CRYZ: variants seen among roughly 807,000 people sequenced by gnomAD.
CRYZ encodes the protein crystallin zeta, also known as zeta-crystallin.
Under a neutral mutation model 34.1 loss-of-function variants are expected in CRYZ, and 35 were observed. The observed-to-expected ratio is 1.03, with a 90% CI of 0.78 to 1.36. The LOEUF (loss-of-function observed/expected upper bound fraction) is 1.36. Ranked by LOEUF, CRYZ falls within the 40% of genes most tolerant of loss-of-function variation. The pLI is 0.00. For synonymous variants in CRYZ, 137 were observed against 136.5 expected, an observed-to-expected ratio of 1.00 and a Z score of -0.03; for missense variants, 403 against 391.8, an observed-to-expected ratio of 1.03 and a Z score of -0.24.
chr1:74,727,490 G>C (rs1283795570), intron 1 of CRYZ, among the ~76,000 whole-genome samples: 1 of 148,074 alleles, frequency 6.8e-6, no homozygotes, highest in Non-Finnish European at 1.5e-5. Flanking sequence ...AAATTAGCCG[G>C]GCATGGTGGC....
At chr1:74,715,612 T>C (rs999082161) in intron 4 of CRYZ, among the ~76,000 whole-genome samples, 3 of 152,186 alleles carry the variant, frequency 2.0e-5, no homozygotes, top group Non-Finnish European at 4.4e-5. Flanking sequence ...CTGAAGGGAC[T>C]GAGGACAATA....
At chr1:74,732,607 G>A (rs1365621781) in intron 1 of CRYZ, among the ~76,000 whole-genome samples, 6 of 75,648 alleles carry the variant, frequency 7.9e-5, no homozygotes, top group African/African-American at 3.3e-4. Flanking sequence ...CGGGGGGGGG[G>A]GGGGGGGGTG....
At chr1:74,729,508 G>A (rs892100212) in intron 1 of CRYZ, among the ~76,000 whole-genome samples, 1 of 150,888 alleles carries the variant, frequency 6.6e-6, no homozygotes, top group African/African-American at 2.4e-5. Flanking sequence ...ATCTAGGTGT[G>A]GTGGCAAGCA....
intron 4 of CRYZ, among the ~76,000 whole-genome samples, chr1:74,716,358 AC>A (rs1259860170): frequency 6.6e-6 from 1 of 151,978 alleles, no homozygotes. Context: ...TCTCTGGAGA[AC>A]CCTGACTAAT....
intron 1 of CRYZ, among the ~76,000 whole-genome samples, chr1:74,731,643 T>C (rs1441780421): frequency 6.6e-6 from 1 of 152,174 alleles, no homozygotes; most frequent in Non-Finnish European, 1.5e-5. Context: ...CATGATCGTA[T>C]GGAACAGGGC....
Position 74,723,418 on chromosome 1 carries a change from G to C in CRYZ, c.112-148C>G, listed in dbSNP as rs185229449. 7.3e-6 allele frequency: 5 copies of C among 685,198 alleles called. No homozygotes were observed. The East Asian group carries it at 1.3e-4, about 18-fold the overall frequency. 42.4% of individuals were successfully genotyped at this position (685,198 alleles called of 1,614,324 possible). A position where few individuals can be genotyped will look rare whatever the true frequency, so the allele number is the denominator to read the frequency against. ...TGCCTTCAACAAGCTCACATTCCAA[G>C]TTTTACAAGCTAACATAAATAAGTA... is the stretch of plus-strand genomic sequence containing the variant. On this transcript the variant is annotated intron_variant, in intron 2 of 8. Transcript: ENST00000340866.
chr1:74,715,480 C>CA (rs147887358), intron 4 of CRYZ, among the ~76,000 whole-genome samples: 2,767 of 152,284 alleles, frequency 0.018, 87 homozygotes, highest in African/African-American at 0.063. Context: ...CATTATAGAA[C>CA]ATTATGCTCC....
chr1:74,719,347 C>G lies in CRYZ; in HGVS notation c.290G>C (p.Ser97Thr), dbSNP rs371028828. The G allele has an allele frequency of 2.7e-5, 43 of 1,611,728 alleles. 1 individual carries two copies. The African/African-American group carries it at 5.6e-4, about 21-fold the overall frequency. Residue 97 changes from serine to threonine, a missense_variant, in exon 4 of 9, where the codon AGC becomes ACC. Transcript: ENST00000340866. ...CTCTGCATAACCCCCAGAGATCGTG[C>G]TGCTAGTGAAAACTCTGTCACCTTT... ...FKKGDRVFTS[S>T]TISGGYAEYA... is the part of the protein sequence containing the mutation.
At chr1:74,732,605 G>C (rs1450122532) in intron 1 of CRYZ, among the ~76,000 whole-genome samples, 7 of 57,176 alleles carry the variant, frequency 1.2e-4, no homozygotes, top group South Asian at 1.4e-3. Context: ...GGCGGGGGGG[G>C]GGGGGGGGGG....
At chr1:74,714,165 G>A (rs552105781) in intron 5 of CRYZ, among the ~76,000 whole-genome samples, 30 of 152,158 alleles carry the variant, frequency 2.0e-4, no homozygotes, top group African/African-American at 2.9e-4. Flanking sequence ...TGGCTTTACC[G>A]TGCTGTCTGG....
At chr1:74,709,965 G>A (rs561383199) in intron 6 of CRYZ, 133 bp downstream of exon 6, 22 of 646,552 alleles carry the variant, frequency 3.4e-5, no homozygotes, top group Middle Eastern at 4.4e-4. Flanking sequence ...TTTAAAACAC[G>A]CATAAAAATT....
intron 5 of CRYZ, among the ~76,000 whole-genome samples, chr1:74,712,221 T>G (rs1189211677): frequency 6.6e-6 from 1 of 152,206 alleles, no homozygotes; most frequent in Non-Finnish European, 1.5e-5. Flanking sequence ...TCACATACAT[T>G]TAGAGCAGAG....
At chr1:74,729,599 C>G (rs1038256217) in intron 1 of CRYZ, among the ~76,000 whole-genome samples, 1 of 149,646 alleles carries the variant, frequency 6.7e-6, no homozygotes, top group Non-Finnish European at 1.5e-5. Flanking sequence ...AGCCATGATC[C>G]TGCCACTGCA....
chr1:74,723,884 G>T (rs1374103695), intron 2 of CRYZ, among the ~76,000 whole-genome samples: 1 of 152,164 alleles, frequency 6.6e-6, no homozygotes, highest in East Asian at 1.9e-4. Flanking sequence ...GCAATTTTTA[G>T]GTTACAGCAA....
chr1:74,710,469 C>A (rs138591701), intron 5 of CRYZ, among the ~76,000 whole-genome samples: 1 of 152,326 alleles, frequency 6.6e-6, no homozygotes, highest in African/African-American at 2.4e-5. Context: ...TCTATCCTCA[C>A]AATGACCCTA....
chr1:74,706,935 C>T lies in CRYZ; in HGVS notation c.792G>A (p.Ser264=), dbSNP rs148988888. ...INPRDTMAKE[S]SIIGVTLFSS... The stretch of plus-strand genomic sequence containing the variant: ...AAAAGAGAGTAACTCCAATTATACT[C>T]GACTCCTTTGCCATGGTGTCTCGTG... The change falls in exon 8 of 9, where the codon TCG becomes TCA. Residue 264 remains serine, a synonymous_variant. Transcript: ENST00000340866. 213 of 1,612,898 alleles carry T rather than the reference C, an allele frequency of 1.3e-4. No individual in the cohort carries two copies. The highest frequency in any genetic ancestry group is 3.3e-4 in the Middle Eastern group (2 of 6,074).
chr1:74,728,728 T>C (rs905701749), intron 1 of CRYZ, among the ~76,000 whole-genome samples: 1 of 152,210 alleles, frequency 6.6e-6, no homozygotes, highest in Non-Finnish European at 1.5e-5. Flanking sequence ...GTTCTTGATA[T>C]AATTAATCAA....
At chr1:74,717,561 C>A (rs1340715963) in intron 4 of CRYZ, among the ~76,000 whole-genome samples, 1 of 152,192 alleles carries the variant, frequency 6.6e-6, no homozygotes, top group Non-Finnish European at 1.5e-5. Flanking sequence ...CCTGTGCCAG[C>A]CCCGTACTAA....
chr1:74,728,157 A>G (rs1161689064), intron 1 of CRYZ, among the ~76,000 whole-genome samples: 1 of 152,244 alleles, frequency 6.6e-6, no homozygotes, highest in Non-Finnish European at 1.5e-5. Context: ...GAGATTTATC[A>G]ATGTCAAAAC....
Sources: allele counts gnomAD v4.1 joint callset (sites outside exome capture counted in the v4.1 genomes callset), GRCh38; gene constraint gnomAD v4.1.1; transcripts MANE v1.5; gene names NCBI Gene and HGNC (gene_info 2026-07-23, HGNC 2026-07-21).